Variants in DNPH1 observed in about 807,000 individuals in gnomAD.
DNPH1 encodes 5-hydroxymethyl-dUMP N-hydrolase.
Under a neutral mutation model 15.7 loss-of-function variants are expected in DNPH1, and 18 were observed. The ratio of observed to expected loss-of-function variants is 1.15; its 90% CI spans 0.79 to 1.70. DNPH1 has a LOEUF of 1.70. Ranked by LOEUF, DNPH1 falls within the 40% of genes most tolerant of loss-of-function variation. The pLI is 0.00. For missense variants in DNPH1, 262 were observed against 255.2 expected, an observed-to-expected ratio of 1.03 and a Z score of -0.18; for synonymous variants, 114 against 107.9, an observed-to-expected ratio of 1.06 and a Z score of -0.35.
rs1317393597 is a variant in DNPH1 at position 43,229,421 on chromosome 6, G to C, written c.36C>G (p.Ser12Arg). ...AAAMVPGRSE[S>R]WERGEPGRPA... The stretch of plus-strand genomic sequence containing the variant: ...GGCGGCCAGGCTCCCCGCGCTCCCA[G>C]CTCTCGCTGCGCCCCGGCACCATGG... Residue 12 changes from serine to arginine, a missense_variant, in exon 1 of 4, where the codon AGC becomes AGG. Coordinates refer to ENST00000230431, the MANE Select transcript of DNPH1 (RefSeq NM_006443.3). The C allele has an allele frequency of 7.1e-7, 1 of 1,409,682 alleles. No homozygotes were observed. Among genetic ancestry groups the C allele is most frequent in the South Asian group, 1.5e-5 (1 of 66,570 alleles). The allele number at this position is 1,409,682 out of a possible 1,614,324, so 87.3% of individuals were successfully genotyped here. A position where few individuals can be genotyped will look rare whatever the true frequency, so the allele number is the denominator to read the frequency against.
In DNPH1 at chr6:43,229,179, G is replaced by A. The variant is rs1402739561; in HGVS notation, c.196+82C>T. The A allele has an allele frequency of 2.4e-5, 30 of 1,227,674 alleles. No homozygotes were observed. In the East Asian group the frequency reaches 9.3e-4, roughly 38 times the overall value. The allele number at this position is 1,227,674 out of a possible 1,614,324, so 76.0% of individuals were successfully genotyped here. On this transcript the variant is annotated intron_variant, in intron 1 of 3. Coordinates refer to ENST00000230431, the MANE Select transcript of DNPH1 (RefSeq NM_006443.3). ...GCCGGGAGCGCAGCTGCCGGGGGTC[G>A]GGGGGGCGGACAGGCCGGGTCCCTG...
Position 43,225,956 on chromosome 6 carries a change from C to T in DNPH1, c.377-75G>A, listed in dbSNP as rs770585960. Reference sequence around the variant, plus strand: ...GCTCCCTTACCCCTTGGGAGAGGCGCGGTGCTCAGAGCCCACCAGGGAAGG... The same window carrying T: ...GCTCCCTTACCCCTTGGGAGAGGCGTGGTGCTCAGAGCCCACCAGGGAAGG... On this transcript the variant is annotated intron_variant, in intron 3 of 3. Coordinates refer to ENST00000230431, the MANE Select transcript of DNPH1 (RefSeq NM_006443.3). 38 of 1,613,042 alleles carry T rather than the reference C, an allele frequency of 2.4e-5. 1 individual carries two copies. The highest frequency in any genetic ancestry group is 2.0e-4 in the African/African-American group (15 of 74,910).
At chr6:43,229,087 C>A (rs1776783838) in intron 1 of DNPH1, 174 bp downstream of exon 1, 2 of 652,208 alleles carry the variant, frequency 3.1e-6, no homozygotes, top group Non-Finnish European at 5.0e-6. Flanking sequence ...AGCCCGAGCC[C>A]CGGCCCGTTT....
chr6:43,226,050 C>CG lies in DNPH1; in HGVS notation c.358dup (p.Arg120ProfsTer27). 1.2e-6 allele frequency: 2 copies of CG among 1,613,760 alleles called. No homozygotes were observed. The highest frequency in any genetic ancestry group is 2.2e-5 in the South Asian group (2 of 91,074). ...GTGCTCACCGCGGCCAGACTGCGGG[C>CG]GGAACAGGCACAGGATCCGCTTGTT... On this transcript the variant is annotated frameshift_variant, in exon 3 of 4. Coordinates refer to ENST00000230431, the MANE Select transcript of DNPH1 (RefSeq NM_006443.3). LOFTEE classifies it low-confidence loss of function (END_TRUNC). This position sits in a 1 kb window ranked among gnomAD's most constrained non-coding sequence, Gnocchi z 4.1.
rs1317098473 is a variant in DNPH1, at chr6:43,229,447, C to T, written c.10G>A (p.Ala4Thr). Residue 4 changes from alanine (A) to threonine (T), a missense_variant, in exon 1 of 4, where the codon GCC becomes ACC. Physicochemically the swap from Ala to Thr is moderately conservative, Grantham distance 58. Transcript: ENST00000230431. ...CTCTCGCTGCGCCCCGGCACCATGG[C>T]AGCAGCCATTCCCCAGCCGCCCGCG... MAA[A>T]MVPGRSESWE... The T allele has an allele frequency of 5.3e-6, 7 of 1,324,390 alleles. No homozygotes were observed. In the Admixed American group the frequency reaches 1.8e-4, roughly 34 times the overall value. 82.0% of individuals were successfully genotyped at this position (1,324,390 alleles called of 1,614,324 possible). A position where few individuals can be genotyped will look rare whatever the true frequency, so the allele number is the denominator to read the frequency against.
rs1444474026 is a variant in DNPH1 at position 43,229,406 on chromosome 6, C to G, written c.51G>C (p.Glu17Asp). ...AGAAGTACAGGGCCGGGCGGCCAGG[C>G]TCCCCGCGCTCCCAGCTCTCGCTGC... ...PGRSESWERG[E>D]PGRPALYFCG... Residue 17 changes from glutamate to aspartate, a missense_variant, in exon 1 of 4, where the codon GAG becomes GAC. By Grantham distance (45) the Glu-to-Asp change is conservative. Coordinates refer to ENST00000230431, the MANE Select transcript of DNPH1 (RefSeq NM_006443.3). 2 of 1,426,310 alleles carry G rather than the reference C, an allele frequency of 1.4e-6. No homozygotes were observed. Among genetic ancestry groups the G allele is most frequent in the Non-Finnish European group, 1.8e-6 (2 of 1,086,426 alleles). The allele number at this position is 1,426,310 out of a possible 1,614,324, so 88.4% of individuals were successfully genotyped here.
chr6:43,227,079 C>T (rs1313045057), intron 1 of DNPH1, among the ~76,000 whole-genome samples: 5 of 150,416 alleles, frequency 3.3e-5, no homozygotes, highest in Non-Finnish European at 5.9e-5. Flanking sequence ...TGCACTCCAG[C>T]CTGGGCAACA....
In DNPH1 at chr6:43,225,768, C is replaced by T; in HGVS notation, c.490G>A (p.Gly164Arg). The T allele has an allele frequency of 6.2e-7, 1 of 1,614,198 alleles. No homozygotes were observed. The highest frequency in any genetic ancestry group is 1.1e-5 in the South Asian group (1 of 91,080). The change falls in exon 4 of 4, where the codon GGG (glycine) becomes AGG (arginine). Residue 164 changes from glycine to arginine, a missense_variant. By Grantham distance (125) the Gly-to-Arg change is moderately radical. Coordinates refer to ENST00000230431, the MANE Select transcript of DNPH1 (RefSeq NM_006443.3). ...LDRYFEADPP[G>R]QVAASPDPTT Reference sequence around the variant, plus strand: ...GGGTCAGGGGAGGCAGCCACCTGCCCTGGAGGATCAGCCTCGAAGTATCGA... The same window carrying T: ...GGGTCAGGGGAGGCAGCCACCTGCCTTGGAGGATCAGCCTCGAAGTATCGA...
rs1776745176 is a variant in DNPH1, at chr6:43,226,493, G to A, written c.197-98C>T. The A allele has an allele frequency of 1.8e-6, 2 of 1,120,168 alleles. No homozygotes were observed. The highest frequency in any genetic ancestry group is 1.2e-6 in the Non-Finnish European group (1 of 802,744). The allele number at this position is 1,120,168 out of a possible 1,614,324, so 69.4% of individuals were successfully genotyped here. A position where few individuals can be genotyped will look rare whatever the true frequency, so the allele number is the denominator to read the frequency against. On this transcript the variant is annotated intron_variant, in intron 1 of 3. Transcript: ENST00000230431. This position sits in a 1 kb window ranked among gnomAD's most constrained non-coding sequence, Gnocchi z 4.1. ...CATACCCACCCTGCTCAGGGAGGGTGGGAGCCTTGTGCCAGATGACCTGAC... is the reference window on the plus strand; with the variant it reads ...CATACCCACCCTGCTCAGGGAGGGTAGGAGCCTTGTGCCAGATGACCTGAC...
At chr6:43,228,128 C>A (rs1242672028) in intron 1 of DNPH1, among the ~76,000 whole-genome samples, 1 of 151,894 alleles carries the variant, frequency 6.6e-6, no homozygotes, top group Non-Finnish European at 1.5e-5. Flanking sequence ...AAAGAAAAAC[C>A]CAGCAGCCAG....
At chr6:43,229,092 C>T (rs1327896478) in intron 1 of DNPH1, 169 bp downstream of exon 1, 1 of 677,408 alleles carries the variant, frequency 1.5e-6, no homozygotes, top group Admixed American at 2.5e-5. Flanking sequence ...GAGCCCCGGC[C>T]CGTTTCCTTC....
In DNPH1 at chr6:43,229,389, A is replaced by C; in HGVS notation, c.68T>G (p.Leu23Arg). 3 of 1,460,180 alleles carry C rather than the reference A, an allele frequency of 2.1e-6. No individual in the cohort carries two copies. Among genetic ancestry groups the C allele is most frequent in the South Asian group, 1.4e-5 (1 of 73,210 alleles). The allele number at this position is 1,460,180 out of a possible 1,614,324, so 90.5% of individuals were successfully genotyped here. A position where few individuals can be genotyped will look rare whatever the true frequency, so the allele number is the denominator to read the frequency against. Residue 23 changes from leucine (L) to arginine (R), a missense_variant, in exon 1 of 4, where the codon CTG becomes CGG. By Grantham distance (102) the Leu-to-Arg change is moderately radical. Coordinates refer to ENST00000230431, the MANE Select transcript of DNPH1 (RefSeq NM_006443.3). ...WERGEPGRPA[L>R]YFCGSIRGGR... ...GCCGCGAATGCTCCCGCAGAAGTACAGGGCCGGGCGGCCAGGCTCCCCGCG... is the reference window on the plus strand; with the variant it reads ...GCCGCGAATGCTCCCGCAGAAGTACCGGGCCGGGCGGCCAGGCTCCCCGCG...
chr6:43,226,068 C>G lies in DNPH1; in HGVS notation c.341G>C (p.Arg114Pro), dbSNP rs763494634. Residue 114 changes from arginine (R) to proline (P), a missense_variant, in exon 3 of 4, where the codon CGG (arginine) becomes CCG (proline). By Grantham distance (103) the Arg-to-Pro change is moderately radical (BLOSUM62 -2). Transcript: ENST00000230431. This position sits in a 1 kb window ranked among gnomAD's most constrained non-coding sequence, Gnocchi z 4.1. ...ELGRAVAFNK[R>P]ILCLFRPQSG... ...CTGCGGGCGGAACAGGCACAGGATC[C>G]GCTTGTTAAAGGCCACGGCCCGGCC... 5 of 1,613,782 alleles carry G rather than the reference C, an allele frequency of 3.1e-6. No individual in the cohort carries two copies. Among genetic ancestry groups the G allele is most frequent in the Non-Finnish European group, 4.2e-6 (5 of 1,179,986 alleles).
Position 43,229,382 on chromosome 6 carries a change from G to T in DNPH1, c.75C>A (p.Phe25Leu). 6.7e-7 allele frequency: 1 copy of T among 1,486,024 alleles called. No individual in the cohort carries two copies. 92.1% of individuals were successfully genotyped at this position (1,486,024 alleles called of 1,614,324 possible). Residue 25 changes from phenylalanine to leucine, a missense_variant, in exon 1 of 4, where the codon TTC becomes TTA. Phe to Leu is a conservative substitution (Grantham distance 22). Coordinates refer to ENST00000230431, the MANE Select transcript of DNPH1 (RefSeq NM_006443.3). Reference protein sequence around the residue: ...RGEPGRPALYFCGSIRGGRED... With the variant: ...RGEPGRPALYLCGSIRGGRED... ...CGCGTCCGCCGCGAATGCTCCCGCA[G>T]AAGTACAGGGCCGGGCGGCCAGGCT... is the stretch of plus-strand genomic sequence containing the variant.
chr6:43,229,128 C>A, intron 1 of DNPH1, 133 bp downstream of exon 1: 1 of 987,918 alleles, frequency 1.0e-6, no homozygotes, highest in Non-Finnish European at 1.4e-6. Flanking sequence ...GGATGGAGCA[C>A]CGGGGTAGGA....
At position 43,226,321 on chromosome 6, in the gene DNPH1, A is replaced by G. The variant is rs1279471927; in HGVS notation, c.265+6T>C. ...TTAGGTGCTGGAAGGAGGGAGCGCC[A>G]CTCACCGTCCGCCTGCTGCAGCCAC... On this transcript the variant is annotated splice_donor_region_variant and intron_variant, in intron 2 of 3. Coordinates refer to ENST00000230431, the MANE Select transcript of DNPH1 (RefSeq NM_006443.3). The surrounding 1 kb of genome is among the most constrained non-coding windows in gnomAD (Gnocchi z 4.1). 5 of 1,611,638 alleles carry G rather than the reference A, an allele frequency of 3.1e-6. No individual in the cohort carries two copies. The African/African-American group carries it at 6.7e-5, about 22-fold the overall frequency.
At position 43,226,320 on chromosome 6, in the gene DNPH1, C is replaced by T; in HGVS notation, c.265+7G>A. ...GTTAGGTGCTGGAAGGAGGGAGCGC[C>T]ACTCACCGTCCGCCTGCTGCAGCCA... On this transcript the variant is annotated splice_region_variant and intron_variant, in intron 2 of 3. Transcript: ENST00000230431. The surrounding 1 kb of genome is among the most constrained non-coding windows in gnomAD (Gnocchi z 4.1). 6.2e-7 allele frequency: 1 copy of T among 1,611,902 alleles called. No individual in the cohort carries two copies. Among genetic ancestry groups the T allele is most frequent in the South Asian group, 1.1e-5 (1 of 90,974 alleles).
In DNPH1 at chr6:43,226,362, T is replaced by C; in HGVS notation, c.230A>G (p.His77Arg). The C allele has an allele frequency of 1.2e-6, 2 of 1,612,942 alleles. No homozygotes were observed. Among genetic ancestry groups the C allele is most frequent in the East Asian group, 2.2e-5 (1 of 44,872 alleles). Residue 77 changes from histidine (H) to arginine (R), a missense_variant, in exon 2 of 4, where the codon CAT becomes CGT. Physicochemically the swap from His to Arg is conservative, Grantham distance 29. Coordinates refer to ENST00000230431, the MANE Select transcript of DNPH1 (RefSeq NM_006443.3). This position sits in a 1 kb window ranked among gnomAD's most constrained non-coding sequence, Gnocchi z 4.1. ...CTGCAGCCACTCCAGGTCCTGCTCA[T>C]GGATGAGCCTGTCACCCCCAGCAGC... Reference protein sequence around the residue: ...EEAAGGDRLIHEQDLEWLQQA... With the variant: ...EEAAGGDRLIREQDLEWLQQA...
Position 43,226,834 on chromosome 6 carries a change from C to T in DNPH1, c.197-439G>A, listed in dbSNP as rs551982106. On this transcript the variant is annotated intron_variant, in intron 1 of 3. Coordinates refer to ENST00000230431, the MANE Select transcript of DNPH1 (RefSeq NM_006443.3). This position sits in a 1 kb window ranked among gnomAD's most constrained non-coding sequence, Gnocchi z 4.1. The stretch of plus-strand genomic sequence containing the variant: ...GAAGTACAGATTCCAGGGCCAGGCG[C>T]GGTGGCTCATGCCTGTAATCCCAGC... 2.0e-5 allele frequency among the ~76,000 whole-genome samples: 3 copies of T among 152,274 alleles called. No individual in the cohort carries two copies. Among genetic ancestry groups the T allele is most frequent in the South Asian group, 2.1e-4 (1 of 4,828 alleles).
Sources: allele counts gnomAD v4.1 joint callset (sites outside exome capture counted in the v4.1 genomes callset), GRCh38; gene constraint gnomAD v4.1.1; non-coding constraint Gnocchi (gnomAD v3.1); transcripts MANE v1.5; gene names NCBI Gene and HGNC (gene_info 2026-07-23, HGNC 2026-07-21).